The following KCNIP4 variants were observed in gnomAD, a reference collection of about 807,000 sequenced individuals.
The protein encoded by KCNIP4 is potassium voltage-gated channel interacting protein 4, also known as Kv channel-interacting protein 4.
KCNIP4 carries 12 observed loss-of-function variants against 34.0 expected under a neutral mutation model. That is an observed-to-expected ratio of 0.35 (90% CI 0.23 to 0.57). The LOEUF is 0.57. Among genes scored for constraint, KCNIP4 ranks in the 20% least tolerant of loss-of-function variants. The pLI is 0.83. For missense variants in KCNIP4, 238 were observed against 311.7 expected, an observed-to-expected ratio of 0.76 and a Z score of 1.78; for synonymous variants, 124 against 102.2, an observed-to-expected ratio of 1.21 and a Z score of -1.29.
At chr4:21,074,107 T>C (rs1230990714) in intron 1 of KCNIP4, among the ~76,000 whole-genome samples, 1 of 152,166 alleles carries the variant, frequency 6.6e-6, no homozygotes, top group African/African-American at 2.4e-5. Flanking sequence ...TCTTTTTTTG[T>C]TGTGTCTTTG....
chr4:20,780,254 G>A (rs1473135273), intron 3 of KCNIP4, among the ~76,000 whole-genome samples: 1 of 152,186 alleles, frequency 6.6e-6, no homozygotes, highest in Non-Finnish European at 1.5e-5. Flanking sequence ...CATCATTTAG[G>A]ATGTCAGGAA....
intron 1 of KCNIP4, among the ~76,000 whole-genome samples, chr4:21,794,676 G>C (rs1406299870): frequency 6.6e-6 from 1 of 152,118 alleles, no homozygotes; most frequent in East Asian, 1.9e-4. Context: ...GGTTGCCTGA[G>C]GTCAGCAGTT....
At chr4:20,853,356 T>A (rs924043023) in intron 2 of KCNIP4, among the ~76,000 whole-genome samples, 2 of 152,184 alleles carry the variant, frequency 1.3e-5, no homozygotes, top group Non-Finnish European at 2.9e-5. Flanking sequence ...AGCCAACTGA[T>A]CTTTGACAAA....
chr4:20,746,864 G>T (rs1162091902), intron 5 of KCNIP4, among the ~76,000 whole-genome samples: 1 of 152,120 alleles, frequency 6.6e-6, no homozygotes, highest in Non-Finnish European at 1.5e-5. Context: ...CGTAGAATCA[G>T]ATGGTCTCTC....
intron 1 of KCNIP4, among the ~76,000 whole-genome samples, chr4:21,459,369 T>C (rs56989378): frequency 0.036 from 5,403 of 152,168 alleles, 122 homozygotes; most frequent in South Asian, 0.043. Flanking sequence ...TTCCTATTTC[T>C]TCCCTTGTTT....
At chr4:21,180,659 A>G (rs910016853) in intron 1 of KCNIP4, among the ~76,000 whole-genome samples, 6 of 149,676 alleles carry the variant, frequency 4.0e-5, no homozygotes, top group East Asian at 1.9e-4. Context: ...TAATGTTTAT[A>G]TGTGTGTGTG....
intron 1 of KCNIP4, among the ~76,000 whole-genome samples, chr4:21,539,872 G>A (rs965240771): frequency 6.6e-6 from 1 of 151,876 alleles, no homozygotes; most frequent in East Asian, 1.9e-4. Context: ...CCAGCTACTC[G>A]GAAGGCTGAA....
intron 1 of KCNIP4, among the ~76,000 whole-genome samples, chr4:20,889,154 G>T (rs920406782): frequency 1.3e-5 from 2 of 152,000 alleles, no homozygotes; most frequent in African/African-American, 4.8e-5. Context: ...AACTTGTGAG[G>T]ATAATCATAT....
At chr4:21,149,581 T>C (rs1331355288) in intron 1 of KCNIP4, among the ~76,000 whole-genome samples, 1 of 152,076 alleles carries the variant, frequency 6.6e-6, no homozygotes, top group Non-Finnish European at 1.5e-5. Flanking sequence ...AAAAAGGACA[T>C]GGTTGACATA....
At chr4:21,087,182 G>A (rs1188037150) in intron 1 of KCNIP4, among the ~76,000 whole-genome samples, 2 of 147,830 alleles carry the variant, frequency 1.4e-5, no homozygotes, top group Non-Finnish European at 3.0e-5. Context: ...GTGTGTGTGT[G>A]TGTGTGTGTT....
In KCNIP4 at chr4:21,167,998, A is replaced by T. The variant is rs78593385; in HGVS notation, c.62-285289T>A. ...CCTCAGGAAATCAAAGTGTCCTATC[A>T]CTCTGTATCCATTATCATTACAAAG... On this transcript the variant is annotated intron_variant, in intron 1 of 8. Coordinates refer to ENST00000382152, the MANE Select transcript of KCNIP4 (RefSeq NM_025221.6). Among the ~76,000 whole-genome samples the T allele has an allele frequency of 4.3e-3, 655 of 152,132 alleles. 4 individuals are homozygous for T. The highest frequency in any genetic ancestry group is 0.015 in the African/African-American group (611 of 41,524).
At chr4:21,602,967 G>A (rs1743317619) in intron 1 of KCNIP4, among the ~76,000 whole-genome samples, 1 of 152,072 alleles carries the variant, frequency 6.6e-6, no homozygotes, top group Non-Finnish European at 1.5e-5. Flanking sequence ...TCCTATAAAT[G>A]TTAAGTATTT....
intron 1 of KCNIP4, among the ~76,000 whole-genome samples, chr4:21,087,192 T>TG (rs1746540496): frequency 1.6e-5 from 1 of 61,376 alleles, no homozygotes; most frequent in Non-Finnish European, 3.5e-5. Context: ...GTGTGTGTGT[T>TG]TTGAGACAGA....
chr4:20,734,717 A>G lies in KCNIP4; in HGVS notation c.448T>C (p.Ser150Pro). Reference sequence around the variant, plus strand: ...TGTACTGTCCCCCGGAGCAAAATGGAAAGACCTTTGATGAAATCCTGAAAA... The same window carrying G: ...TGTACTGTCCCCCGGAGCAAAATGGGAAGACCTTTGATGAAATCCTGAAAA... ...VSFEDFIKGL[S>P]ILLRGTVQEK... is the part of the protein sequence containing the mutation. The change falls in exon 6 of 9, where the codon TCC becomes CCC. Residue 150 changes from serine to proline, a missense_variant. By Grantham distance (74) the Ser-to-Pro change is moderately conservative. Transcript: ENST00000382152. 6.3e-7 allele frequency: 1 copy of G among 1,580,754 alleles called. No individual in the cohort carries two copies. Among genetic ancestry groups the G allele is most frequent in the South Asian group, 1.2e-5 (1 of 85,476 alleles).
At chr4:21,433,566 AGT>A (rs1386995937) in intron 1 of KCNIP4, among the ~76,000 whole-genome samples, 1 of 152,244 alleles carries the variant, frequency 6.6e-6, no homozygotes, top group Non-Finnish European at 1.5e-5. Context: ...AGACAAAATG[AGT>A]GTGAGAATAA....
chr4:20,954,701 G>A (rs1733119052), intron 1 of KCNIP4, among the ~76,000 whole-genome samples: 3 of 152,178 alleles, frequency 2.0e-5, no homozygotes, highest in Admixed American at 1.3e-4. Flanking sequence ...ATTAGTCACA[G>A]GGCTTTATCC....
intron 1 of KCNIP4, among the ~76,000 whole-genome samples, chr4:21,173,635 G>T (rs1754180431): frequency 6.6e-6 from 1 of 152,144 alleles, no homozygotes; most frequent in Admixed American, 6.6e-5. Flanking sequence ...TTGTAGAAAA[G>T]AATTGCTCTG....
chr4:21,053,227 C>T (rs188183018), intron 1 of KCNIP4, among the ~76,000 whole-genome samples: 75 of 152,128 alleles, frequency 4.9e-4, no homozygotes, highest in African/African-American at 1.6e-3. Context: ...ATTGATTAAA[C>T]GAGAAACTAA....
intron 1 of KCNIP4, among the ~76,000 whole-genome samples, chr4:21,068,126 C>G (rs1744573197): frequency 1.3e-5 from 2 of 152,238 alleles, no homozygotes; most frequent in South Asian, 4.1e-4. Context: ...TCACAATGCT[C>G]CAAGGGTGGT....
Sources: gnomAD v4.1 joint callset for allele counts (sites outside exome capture counted in the v4.1 genomes callset) on GRCh38, gnomAD v4.1.1 for gene constraint, MANE v1.5 for transcripts, NCBI Gene and HGNC (gene_info 2026-07-23, HGNC 2026-07-21) for gene names.